PRKCQ: variants seen among roughly 807,000 people sequenced by gnomAD.
PRKCQ encodes protein kinase C theta.
A neutral mutation model predicts 91.2 loss-of-function variants in PRKCQ; 41 were observed. That is an observed-to-expected ratio of 0.45 (90% confidence interval 0.35 to 0.58). The LOEUF (loss-of-function observed/expected upper bound fraction) is 0.58. Ranked by LOEUF, PRKCQ falls within the 20% of genes least tolerant of loss-of-function variation. PRKCQ has a pLI of 0.00. For synonymous variants in PRKCQ, 307 were observed against 316.9 expected, an observed-to-expected ratio of 0.97 and a Z score of 0.33; for missense variants, 673 against 896.5, an observed-to-expected ratio of 0.75 and a Z score of 3.18.
chr10:6,475,965 T>TC (rs1836246251), intron 12 of PRKCQ, among the ~76,000 whole-genome samples: 1 of 152,196 alleles, frequency 6.6e-6, no homozygotes, highest in Non-Finnish European at 1.5e-5. Context: ...AGTTTTTTTT[T>TC]CTCTCCCAGC....
chr10:6,466,071 C>G (rs1835634447), intron 12 of PRKCQ, among the ~76,000 whole-genome samples: 1 of 152,216 alleles, frequency 6.6e-6, no homozygotes, highest in Admixed American at 6.5e-5. Flanking sequence ...ATACAAGCCA[C>G]AAAGGTGGAA....
At chr10:6,523,991 G>A (rs1839113244) in intron 1 of PRKCQ, among the ~76,000 whole-genome samples, 2 of 152,134 alleles carry the variant, frequency 1.3e-5, no homozygotes, top group African/African-American at 4.8e-5. Flanking sequence ...ACTCTCAGCG[G>A]AGTCCCAGCC....
chr10:6,463,727 A>G (rs1208500957), intron 13 of PRKCQ, among the ~76,000 whole-genome samples: 2 of 152,196 alleles, frequency 1.3e-5, no homozygotes, highest in Non-Finnish European at 2.9e-5. Context: ...GCTTTCTTTT[A>G]CTTGCATGTC....
At chr10:6,448,132 T>C (rs896567676) in intron 15 of PRKCQ, among the ~76,000 whole-genome samples, 5 of 151,974 alleles carry the variant, frequency 3.3e-5, no homozygotes, top group African/African-American at 1.2e-4. Flanking sequence ...AGATGAACTT[T>C]TAGGGTGTTT....
chr10:6,432,324 C>T (rs1231328697), intron 16 of PRKCQ, among the ~76,000 whole-genome samples: 2 of 152,030 alleles, frequency 1.3e-5, no homozygotes, highest in Non-Finnish European at 2.9e-5. Context: ...TCAAAGGCTC[C>T]GTTCTACCAA....
intron 15 of PRKCQ, among the ~76,000 whole-genome samples, chr10:6,449,746 T>C (rs1220156103): frequency 2.0e-5 from 3 of 152,066 alleles, no homozygotes; most frequent in African/African-American, 4.8e-5. Flanking sequence ...CGGCAGAAAC[T>C]CTACAAGCCA....
intron 12 of PRKCQ, among the ~76,000 whole-genome samples, chr10:6,467,403 G>GAGAC (rs1564324429): frequency 2.5e-4 from 31 of 122,400 alleles, no homozygotes; most frequent in African/African-American, 5.7e-4. Context: ...GAGAGAGAGA[G>GAGAC]AGAGAGAGAG....
chr10:6,497,921 C>T lies in PRKCQ; in HGVS notation c.542+475G>A, dbSNP rs535053368. Among the ~76,000 whole-genome samples the T allele has an allele frequency of 2.0e-4, 31 of 152,282 alleles. No homozygotes were observed. The highest frequency in any genetic ancestry group is 1.7e-3 in the Admixed American group (26 of 15,306). On this transcript the variant is annotated intron_variant, in intron 5 of 17. Transcript: ENST00000263125. The surrounding 1 kb of genome is among the most constrained non-coding windows in gnomAD (Gnocchi z 4.5). ...AGTCTCCACTCTGTCATAGCCTTTG[C>T]TATGTGGTTACTGAGGTTTAAACTG... is the stretch of plus-strand genomic sequence containing the variant.
chr10:6,402,679 T>C, the PRKCQ span, among the ~76,000 whole-genome samples: 3 of 152,308 alleles, frequency 2.0e-5, no homozygotes, highest in East Asian at 1.9e-4. Context: ...CTCATGCCCG[T>C]AAATCCCAGC....
intron 2 of PRKCQ, among the ~76,000 whole-genome samples, chr10:6,512,994 G>C (rs1339658522): frequency 6.6e-6 from 1 of 152,032 alleles, no homozygotes; most frequent in Non-Finnish European, 1.5e-5. Context: ...TCCTTTTGAT[G>C]GTAACCATTC....
chr10:6,407,273 GT>G, the PRKCQ span, among the ~76,000 whole-genome samples: 1 of 151,794 alleles, frequency 6.6e-6, no homozygotes, highest in African/African-American at 2.4e-5. The surrounding 1 kb of genome is among the most constrained non-coding windows in gnomAD (Gnocchi z 4.0). Flanking sequence ...GTGCCGGGGT[GT>G]GGGGGGTGTG....
chr10:6,489,440 T>C (rs536493959), intron 8 of PRKCQ: 2 of 532,246 alleles, frequency 3.8e-6, no homozygotes, highest in South Asian at 2.8e-5. Flanking sequence ...AAGAGTCCCT[T>C]TGGATGACTA....
At chr10:6,431,320 A>G (rs1833412362) in intron 16 of PRKCQ, among the ~76,000 whole-genome samples, 1 of 152,206 alleles carries the variant, frequency 6.6e-6, no homozygotes, top group Non-Finnish European at 1.5e-5. Flanking sequence ...ACGCACATAG[A>G]CAGGCACACA....
intron 1 of PRKCQ, among the ~76,000 whole-genome samples, chr10:6,569,459 C>G (rs537154272): frequency 6.6e-6 from 1 of 152,026 alleles, no homozygotes; most frequent in Non-Finnish European, 1.5e-5. Flanking sequence ...GTAGAACCTT[C>G]GAATCCACAT....
chr10:6,569,239 G>T (rs1417696618), intron 1 of PRKCQ, among the ~76,000 whole-genome samples: 1 of 151,732 alleles, frequency 6.6e-6, no homozygotes, highest in Non-Finnish European at 1.5e-5. Context: ...TCCTCAGGGA[G>T]TGTACAATGT....
chr10:6,466,159 G>A (rs912908494), intron 12 of PRKCQ, among the ~76,000 whole-genome samples: 2 of 152,324 alleles, frequency 1.3e-5, no homozygotes, highest in African/African-American at 2.4e-5. Context: ...TTGAGTGAAC[G>A]GTTTCTTCTA....
chr10:6,556,501 CAA>C (rs1374469539), intron 1 of PRKCQ, among the ~76,000 whole-genome samples: 15 of 146,134 alleles, frequency 1.0e-4, no homozygotes, highest in Non-Finnish European at 6.0e-5. Flanking sequence ...TTCATAGAGA[CAA>C]AGAGTAGAAG....
At chr10:6,535,538 A>G (rs2130907446) in intron 1 of PRKCQ, among the ~76,000 whole-genome samples, 1 of 152,252 alleles carries the variant, frequency 6.6e-6, no homozygotes, top group East Asian at 1.9e-4. Flanking sequence ...GGAGTCACTT[A>G]TGTCAAACCC....
At chr10:6,397,800 C>T in the PRKCQ span, among the ~76,000 whole-genome samples, 2 of 152,146 alleles carry the variant, frequency 1.3e-5, no homozygotes, top group African/African-American at 4.8e-5. Context: ...CAGTGGGCAC[C>T]TGTAATCCCA....
Sources: allele counts gnomAD v4.1 joint callset (sites outside exome capture counted in the v4.1 genomes callset), GRCh38; gene constraint gnomAD v4.1.1; non-coding constraint Gnocchi (gnomAD v3.1); transcripts MANE v1.5; gene names NCBI Gene and HGNC (gene_info 2026-07-23, HGNC 2026-07-21).